LIPA: variants seen among roughly 807,000 people sequenced by gnomAD.
LIPA encodes the protein lipase A, lysosomal acid type.
Under a neutral mutation model 40.6 loss-of-function variants are expected in LIPA, and 26 were observed. The observed-to-expected ratio is 0.64, with a 90% CI of 0.47 to 0.89. The LOEUF is 0.89. Among genes scored for constraint, LIPA ranks in the 40% least tolerant of loss-of-function variants. The pLI, the probability that LIPA is intolerant of heterozygous loss-of-function variation, is 0.00. For synonymous variants in LIPA, 188 were observed against 168.4 expected (o/e 1.12, Z -0.90); for missense variants, 455 against 479.6 (o/e 0.95, Z 0.48).
At chr10:89,402,971 G>A in intron 2 of LIPA, 1 of 1,614,078 alleles carries the variant, frequency 6.2e-7, no homozygotes, top group South Asian at 1.1e-5. Context: ...ATGAAGGACA[G>A]GAAGCTGAAG....
At chr10:89,234,754 A>G (rs899887246) in intron 3 of LIPA, among the ~76,000 whole-genome samples, 1 of 152,264 alleles carries the variant, frequency 6.6e-6, no homozygotes, top group Middle Eastern at 3.2e-3. Flanking sequence ...TGCTGTTCAC[A>G]TCTTCCAGTG....
intron 2 of LIPA, chr10:89,377,982 T>C: frequency 1.6e-6 from 1 of 639,864 alleles, no homozygotes; most frequent in South Asian, 2.1e-5. Context: ...GCCAATTCAC[T>C]AGGCATCAAG....
chr10:89,216,434 A>G (rs2133414526), intron 8 of LIPA, among the ~76,000 whole-genome samples: 1 of 150,464 alleles, frequency 6.6e-6, no homozygotes, highest in Admixed American at 6.6e-5. Context: ...TAATAGAGAG[A>G]GAGAGAGAGA....
upstream of LIPA, chr10:89,414,679 G>A (rs1841510752): frequency 1.6e-6 from 2 of 1,254,250 alleles, no homozygotes; most frequent in Non-Finnish European, 2.1e-6. Context: ...GGGCTGCAGA[G>A]GCCTGGCGCG....
chr10:89,215,041 A>T lies in LIPA; in HGVS notation c.987T>A (p.Asn329Lys). 4 of 1,613,202 alleles carry T rather than the reference A, an allele frequency of 2.5e-6. No homozygotes were observed. Among genetic ancestry groups the T allele is most frequent in the Non-Finnish European group, 3.4e-6 (4 of 1,179,142 alleles). ...HYNQSYPPTY[N>K]VKDMLVPTAV... Reference sequence around the variant, plus strand: ...CAGTCGGCACAAGCATGTCCTTCACATTGTATGTGGGAGGATAACTCTACA... The same window carrying T: ...CAGTCGGCACAAGCATGTCCTTCACTTTGTATGTGGGAGGATAACTCTACA... The change falls in exon 10 of 10, where the codon AAT becomes AAA. Residue 329 changes from asparagine (N) to lysine (K), a missense_variant. Coordinates refer to ENST00000336233, the MANE Select transcript of LIPA (RefSeq NM_000235.4).
chr10:89,376,006 G>A (rs1844118275), intron 2 of LIPA, among the ~76,000 whole-genome samples: 1 of 151,870 alleles, frequency 6.6e-6, no homozygotes, highest in African/African-American at 2.4e-5. Flanking sequence ...GGCCAACATG[G>A]TGAAACCCCA....
intron 1 of LIPA, chr10:89,283,864 A>T (rs1239774458): frequency 6.6e-6 from 1 of 152,266 alleles, no homozygotes; most frequent in African/African-American, 2.4e-5. Flanking sequence ...GCAGGACACC[A>T]GTGCAGCGCC....
intron 1 of LIPA, among the ~76,000 whole-genome samples, chr10:89,320,369 G>T (rs1843564632): frequency 6.6e-6 from 1 of 152,270 alleles, no homozygotes; most frequent in East Asian, 1.9e-4. Flanking sequence ...CTTCAGCAAA[G>T]TCTCAGGATC....
At chr10:89,285,621 AC>A (rs1399735523) in intron 1 of LIPA, among the ~76,000 whole-genome samples, 2 of 152,118 alleles carry the variant, frequency 1.3e-5, no homozygotes, top group Non-Finnish European at 2.9e-5. Context: ...CTGCTCACCC[AC>A]ATTTGCAGCC....
chr10:89,383,825 A>T (rs1387292976), intron 2 of LIPA: 11 of 1,614,214 alleles, frequency 6.8e-6, no homozygotes, highest in Non-Finnish European at 9.3e-6. Flanking sequence ...CTGGAAGGGA[A>T]CCCTGAAAAC....
chr10:89,339,842 A>G, intron 1 of LIPA: 1 of 1,614,210 alleles, frequency 6.2e-7, no homozygotes, highest in South Asian at 1.1e-5. Context: ...ACTGACAAGG[A>G]AGAGATCAAA....
chr10:89,414,645 G>C (rs925792486), upstream of LIPA: 2 of 722,082 alleles, frequency 2.8e-6, no homozygotes, highest in Non-Finnish European at 4.2e-6. Context: ...CTTTAACAAA[G>C]ACACGCCGCG....
At chr10:89,313,761 T>C (rs993130073) in intron 1 of LIPA, among the ~76,000 whole-genome samples, 1 of 152,204 alleles carries the variant, frequency 6.6e-6, no homozygotes, top group African/African-American at 2.4e-5. Flanking sequence ...CTTGAAAACA[T>C]GCAAAGTGAC....
intron 1 of LIPA, among the ~76,000 whole-genome samples, chr10:89,297,498 C>T (rs930339780): frequency 1.8e-4 from 27 of 152,168 alleles, no homozygotes; most frequent in African/African-American, 6.3e-4. Flanking sequence ...TACAGTGACA[C>T]AGCACTGGCT....
chr10:89,233,136 T>G (rs1842862292), intron 3 of LIPA, among the ~76,000 whole-genome samples: 1 of 152,240 alleles, frequency 6.6e-6, no homozygotes, highest in South Asian at 2.1e-4. Flanking sequence ...TGTCCTTTTT[T>G]GTTTGTTAGG....
At chr10:89,401,414 C>A (rs546537372) in intron 2 of LIPA, among the ~76,000 whole-genome samples, 3 of 152,090 alleles carry the variant, frequency 2.0e-5, no homozygotes, top group Admixed American at 2.0e-4. Flanking sequence ...AGCCACCGCA[C>A]CCAGCCTATA....
chr10:89,265,986 A>T (rs11203055), intron 1 of LIPA, among the ~76,000 whole-genome samples: 1 of 152,224 alleles, frequency 6.6e-6, no homozygotes, highest in Non-Finnish European at 1.5e-5. Context: ...GCATGTGTAC[A>T]ACACACAGTT....
chr10:89,347,383 C>G (rs1286548823), upstream of LIPA, among the ~76,000 whole-genome samples: 1 of 152,198 alleles, frequency 6.6e-6, no homozygotes, highest in Admixed American at 6.5e-5. Flanking sequence ...TTAGCATAAA[C>G]TCCATCATTT....
chr10:89,293,966 C>A (rs1843393946), intron 1 of LIPA, among the ~76,000 whole-genome samples: 1 of 152,178 alleles, frequency 6.6e-6, no homozygotes, highest in African/African-American at 2.4e-5. Flanking sequence ...AATATAAGCT[C>A]CATGAAGACA....
Sources: allele counts gnomAD v4.1 joint callset (sites outside exome capture counted in the v4.1 genomes callset), GRCh38; gene constraint gnomAD v4.1.1; transcripts MANE v1.5; gene names NCBI Gene and HGNC (gene_info 2026-07-23, HGNC 2026-07-21).